The following CLN8 variants were observed in gnomAD, a reference collection of about 807,000 sequenced individuals.
CLN8 encodes CLN8 transmembrane ER and ERGIC protein.
CLN8 carries 14 observed loss-of-function variants against 15.7 expected under a neutral mutation model. The observed-to-expected ratio is 0.89, with a 90% CI of 0.59 to 1.39. The LOEUF is 1.39. Ranked by LOEUF, CLN8 falls within the 40% of genes most tolerant of loss-of-function variation. CLN8 has a pLI of 0.00. For missense variants in CLN8, 415 were observed against 364.0 expected, an observed-to-expected ratio of 1.14 and a Z score of -1.14; for synonymous variants, 188 against 151.0, an observed-to-expected ratio of 1.25 and a Z score of -1.80.
intron 1 of CLN8, chr8:1,764,575 G>T (rs1800968063): frequency 6.5e-6 from 1 of 153,044 alleles, no homozygotes; most frequent in African/African-American, 2.4e-5. Flanking sequence ...ACAAGGTGCA[G>T]CTCAACATGG....
rs1210743578 is a variant in CLN8, at chr8:1,783,344, A to T, written c.*2777A>T. ...TGAGTTCACATAACAGGAATTCTGG[A>T]ACTGCTTGAAAACTAGGACGATTGG... On this transcript the variant is annotated 3_prime_UTR_variant, in exon 3 of 3. Transcript: ENST00000331222. 2 of 152,236 alleles carry T rather than the reference A, an allele frequency of 1.3e-5. No individual in the cohort carries two copies. The highest frequency in any genetic ancestry group is 2.9e-5 in the Non-Finnish European group (2 of 68,048). The allele number at this position is 152,236 out of a possible 1,614,324, so 9.4% of individuals were successfully genotyped here.
chr8:1,767,516 T>C (rs866853485), intron 1 of CLN8, among the ~76,000 whole-genome samples: 3 of 151,780 alleles, frequency 2.0e-5, no homozygotes, highest in Non-Finnish European at 4.4e-5. Flanking sequence ...TAGTTGAACA[T>C]CTGGCTTGTA....
At chr8:1,761,567 C>T (rs151241144), upstream of CLN8, among the ~76,000 whole-genome samples, 14 of 152,202 alleles carry the variant, frequency 9.2e-5, no homozygotes, top group South Asian at 2.1e-4. Flanking sequence ...TCAAGTGATC[C>T]GCCTGCCTCG....
intron 1 of CLN8, among the ~76,000 whole-genome samples, chr8:1,757,661 A>G (rs1800703723): frequency 6.6e-6 from 1 of 151,912 alleles, no homozygotes; most frequent in Non-Finnish European, 1.5e-5. Flanking sequence ...CGAACTCCTG[A>G]CCTCAGGAGA....
upstream of CLN8, among the ~76,000 whole-genome samples, chr8:1,754,977 A>G (rs893221055): frequency 1.3e-5 from 2 of 152,188 alleles, no homozygotes; most frequent in South Asian, 2.1e-4. Context: ...CTTCCGTGAC[A>G]GTGCTGCTGG....
chr8:1,780,482 A>C lies in CLN8; in HGVS notation c.776A>C (p.Asn259Thr). The C allele has an allele frequency of 6.2e-7, 1 of 1,614,198 alleles. No homozygotes were observed. Among genetic ancestry groups the C allele is most frequent in the Non-Finnish European group, 8.5e-7 (1 of 1,180,046 alleles). ...WTHKKTQQLLNPVDWNFAQPE... is the reference protein window; with the variant it reads ...WTHKKTQQLLTPVDWNFAQPE... ...CATAAGAAGACTCAGCAGCTTCTCA[A>C]TCCGGTGGACTGGAACTTCGCACAG... The change falls in exon 3 of 3, where the codon AAT becomes ACT. Residue 259 changes from asparagine to threonine, a missense_variant. Asn to Thr is a moderately conservative substitution (Grantham distance 65). Transcript: ENST00000331222.
intron 2 of CLN8, among the ~76,000 whole-genome samples, chr8:1,774,461 A>G (rs911276711): frequency 2.6e-5 from 4 of 152,194 alleles, no homozygotes; most frequent in African/African-American, 9.7e-5. Flanking sequence ...AAATTCTTTG[A>G]AATTCTTTTA....
chr8:1,771,945 T>TTATTTATG (rs1280496185), intron 2 of CLN8, among the ~76,000 whole-genome samples: 1 of 151,750 alleles, frequency 6.6e-6, no homozygotes, highest in Non-Finnish European at 1.5e-5. Context: ...ATTTATTTAT[T>TTATTTATG]TATTTTTTGA....
chr8:1,763,234 C>G (rs1171114110), upstream of CLN8: 4 of 151,950 alleles, frequency 2.6e-5, no homozygotes, highest in Non-Finnish European at 5.9e-5. Context: ...TCTGCCGCAG[C>G]TTTCAGGTCC....
At chr8:1,762,834 T>G (rs550243174), upstream of CLN8, 3 of 152,254 alleles carry the variant, frequency 2.0e-5, no homozygotes, top group Non-Finnish European at 4.4e-5. Context: ...ACAATCCCAG[T>G]GCAGATGCTC....
In CLN8 at chr8:1,786,416, C is replaced by T. The variant is rs933434467; in HGVS notation, c.*5849C>T. The stretch of plus-strand genomic sequence containing the variant: ...ACTTTCTTCCTATTTTCTTCTAATG[C>T]GAGAGCTTATTAATTCCATATTTAT... On this transcript the variant is annotated 3_prime_UTR_variant, in exon 3 of 3. Coordinates refer to ENST00000331222, the MANE Select transcript of CLN8 (RefSeq NM_018941.4). 7.9e-5 allele frequency: 12 copies of T among 152,304 alleles called. No homozygotes were observed. Among genetic ancestry groups the T allele is most frequent in the African/African-American group, 2.6e-4 (11 of 41,566 alleles). The allele number at this position is 152,304 out of a possible 1,614,324, so 9.4% of individuals were successfully genotyped here. A position where few individuals can be genotyped will look rare whatever the true frequency, so the allele number is the denominator to read the frequency against.
chr8:1,757,852 TATC>T (rs1800707986), intron 1 of CLN8, among the ~76,000 whole-genome samples: 1 of 152,214 alleles, frequency 6.6e-6, no homozygotes, highest in Non-Finnish European at 1.5e-5. Flanking sequence ...ATCTCGGGGT[TATC>T]ATTTTCAACA....
At chr8:1,754,193 C>T (rs1014802344), upstream of CLN8, among the ~76,000 whole-genome samples, 10 of 152,194 alleles carry the variant, frequency 6.6e-5, no homozygotes, top group African/African-American at 2.4e-4. Flanking sequence ...TATCAAATCC[C>T]CTGCAAGTGT....
At chr8:1,777,946 C>A (rs1352826147) in intron 2 of CLN8, among the ~76,000 whole-genome samples, 2 of 152,188 alleles carry the variant, frequency 1.3e-5, no homozygotes, top group African/African-American at 4.8e-5. Context: ...TGTGTGGAAC[C>A]ACTGTCTATA....
Position 1,777,388 on chromosome 8 carries a change from T to C in CLN8, c.544-2862T>C, listed in dbSNP as rs1585147537. ...GGCCTAGAACGTCACTGTACTCTCC[T>C]ATAGACTTTATGAACTCTGTGTACT... On this transcript the variant is annotated intron_variant, in intron 2 of 2. Transcript: ENST00000331222. 2.0e-5 allele frequency among the ~76,000 whole-genome samples: 3 copies of C among 152,314 alleles called. No homozygotes were observed. The East Asian group carries it at 5.8e-4, about 29-fold the overall frequency.
rs996761386 is a variant in CLN8, at chr8:1,784,604, T to A, written c.*4037T>A. On this transcript the variant is annotated 3_prime_UTR_variant, in exon 3 of 3. Coordinates refer to ENST00000331222, the MANE Select transcript of CLN8 (RefSeq NM_018941.4). Reference sequence around the variant, plus strand: ...CTTCCCATGTCCGAATTTTGTGAGCTCCACACGGGCAGGGTTGCATCTGTT... The same window carrying A: ...CTTCCCATGTCCGAATTTTGTGAGCACCACACGGGCAGGGTTGCATCTGTT... 6.6e-6 allele frequency: 1 copy of A among 152,286 alleles called. No individual in the cohort carries two copies. The highest frequency in any genetic ancestry group is 1.5e-5 in the Non-Finnish European group (1 of 68,120). The allele number at this position is 152,286 out of a possible 1,614,324, so 9.4% of individuals were successfully genotyped here.
rs778435359 is a variant in CLN8 at position 1,780,291 on chromosome 8, G to C, written c.585G>C (p.Trp195Cys). ...CTCTGTTTTGGAAGCTCAACCAGTG[G>C]CTGATGATTCACATGTTTCACTGCC... Reference protein sequence around the residue: ...SESLFWKLNQWLMIHMFHCRM... With the variant: ...SESLFWKLNQCLMIHMFHCRM... The change falls in exon 3 of 3, where the codon TGG (tryptophan) becomes TGC (cysteine). Residue 195 changes from tryptophan (W) to cysteine (C), a missense_variant. Transcript: ENST00000331222. 6.1e-5 allele frequency: 98 copies of C among 1,614,142 alleles called. No individual in the cohort carries two copies. The highest frequency in any genetic ancestry group is 7.9e-5 in the Non-Finnish European group (93 of 1,180,058).
intron 1 of CLN8, among the ~76,000 whole-genome samples, chr8:1,767,356 TG>T (rs1188733789): frequency 6.6e-6 from 1 of 152,180 alleles, no homozygotes; most frequent in Non-Finnish European, 1.5e-5. Flanking sequence ...CAGGAGGGTT[TG>T]CCCACTCAGC....
At chr8:1,777,605 C>G (rs549948658) in intron 2 of CLN8, among the ~76,000 whole-genome samples, 1 of 151,974 alleles carries the variant, frequency 6.6e-6, no homozygotes, top group Non-Finnish European at 1.5e-5. Context: ...GTAAGCTTTT[C>G]TTAATTTTCG....
Sources: allele counts gnomAD v4.1 joint callset (sites outside exome capture counted in the v4.1 genomes callset), GRCh38; gene constraint gnomAD v4.1.1; transcripts MANE v1.5; gene names NCBI Gene and HGNC (gene_info 2026-07-23, HGNC 2026-07-21).